IL1RAPL1: variants seen among roughly 807,000 people sequenced by gnomAD.
The protein encoded by IL1RAPL1 is interleukin-1 receptor accessory protein-like 1.
IL1RAPL1 carries 3 observed loss-of-function variants against 48.4 expected under a neutral mutation model. The observed-to-expected ratio is 0.06, with a 90% confidence interval of 0.03 to 0.16. The LOEUF is 0.16. Ranked by LOEUF, IL1RAPL1 falls within the 10% of genes least tolerant of loss-of-function variation. The pLI, the probability that IL1RAPL1 is intolerant of heterozygous loss-of-function variation, is 1.00. For synonymous variants in IL1RAPL1, 185 were observed against 187.7 expected (o/e 0.99, Z 0.12); for missense variants, 349 against 530.6 (o/e 0.66, Z 3.36).
intron 5 of IL1RAPL1, among the ~76,000 whole-genome samples, chrX:29,658,761 C>A (rs960953236): frequency 8.9e-6 from 1 of 111,817 alleles, no homozygotes; most frequent in African/African-American, 3.2e-5. Context: ...GTGTAATGAT[C>A]AAATCAGGGT....
At chrX:28,634,404 C>A (rs759286301) in intron 1 of IL1RAPL1, among the ~76,000 whole-genome samples, 9 of 107,610 alleles carry the variant, frequency 8.4e-5, no homozygotes, top group Admixed American at 3.0e-4. Flanking sequence ...TACGTATACA[C>A]GTATGTATAC....
At chrX:28,913,969 A>G (rs987424857) in intron 2 of IL1RAPL1, among the ~76,000 whole-genome samples, 12 of 111,745 alleles carry the variant, frequency 1.1e-4, no homozygotes, top group Admixed American at 1.1e-3. Flanking sequence ...TTTTCCTAAT[A>G]CCATCATGTG....
chrX:29,662,960 A>G (rs1273837078), intron 5 of IL1RAPL1, among the ~76,000 whole-genome samples: 1 of 112,163 alleles, frequency 8.9e-6, no homozygotes. Context: ...AGTGAAAAAT[A>G]GAGCACCCCT....
At chrX:29,703,224 A>C (rs776579470) in intron 6 of IL1RAPL1, among the ~76,000 whole-genome samples, 36 of 112,317 alleles carry the variant, frequency 3.2e-4, no homozygotes, top group Admixed American at 2.1e-3. Context: ...TTTGAAAGTT[A>C]GATCCAAAAA....
intron 2 of IL1RAPL1, among the ~76,000 whole-genome samples, chrX:29,264,935 C>T (rs889242971): frequency 1.8e-5 from 2 of 110,665 alleles, no homozygotes; most frequent in Admixed American, 9.6e-5. Context: ...TTTTTGAGAC[C>T]GAGTTTTCCT....
intron 6 of IL1RAPL1, among the ~76,000 whole-genome samples, chrX:29,700,741 C>T (rs1927029220): frequency 9.0e-6 from 1 of 111,447 alleles, no homozygotes; most frequent in South Asian, 3.7e-4. Context: ...GGTGACACGT[C>T]AGGAGTTGTG....
chrX:29,370,883 A>G (rs1194199447), intron 3 of IL1RAPL1, among the ~76,000 whole-genome samples: 1 of 109,121 alleles, frequency 9.2e-6, no homozygotes, highest in Non-Finnish European at 1.9e-5. Flanking sequence ...TTTTTATTTG[A>G]CACATATTAA....
intron 2 of IL1RAPL1, among the ~76,000 whole-genome samples, chrX:28,851,341 G>T (rs959813688): frequency 9.0e-6 from 1 of 110,622 alleles, no homozygotes; most frequent in African/African-American, 3.3e-5. Flanking sequence ...TTTGCTTGTG[G>T]ATAGCCTCCC....
At chrX:29,396,804 A>C (rs972227012) in intron 4 of IL1RAPL1, among the ~76,000 whole-genome samples, 4 of 112,053 alleles carry the variant, frequency 3.6e-5, no homozygotes, top group Non-Finnish European at 5.6e-5. Flanking sequence ...CCCAAACAAA[A>C]GGAAAAAGGA....
chrX:29,780,909 G>A (rs1185642846), intron 6 of IL1RAPL1, among the ~76,000 whole-genome samples: 1 of 110,989 alleles, frequency 9.0e-6, no homozygotes, highest in Non-Finnish European at 1.9e-5. Context: ...ATTTCCTTTT[G>A]AGAGTTGACA....
intron 1 of IL1RAPL1, among the ~76,000 whole-genome samples, chrX:28,715,321 A>G (rs1381909913): frequency 8.9e-6 from 1 of 112,290 alleles, no homozygotes; most frequent in African/African-American, 3.2e-5. Context: ...AAATTAAGGC[A>G]GAAATCAAGA....
At chrX:29,808,606 TTTATC>T (rs761369712) in intron 6 of IL1RAPL1, among the ~76,000 whole-genome samples, 1 of 111,905 alleles carries the variant, frequency 8.9e-6, no homozygotes, top group South Asian at 3.7e-4. Context: ...TTTTGCCTGT[TTTATC>T]TATCAGTTTG....
At chrX:29,655,436 G>T (rs1218922397) in intron 5 of IL1RAPL1, among the ~76,000 whole-genome samples, 3 of 111,032 alleles carry the variant, frequency 2.7e-5, no homozygotes, top group Non-Finnish European at 5.7e-5. Context: ...GCCGAGGTGG[G>T]TGGATCACCT....
intron 2 of IL1RAPL1, among the ~76,000 whole-genome samples, chrX:29,039,143 A>G (rs930044119): frequency 7.2e-5 from 8 of 111,416 alleles, no homozygotes; most frequent in African/African-American, 2.6e-4. Flanking sequence ...GTAATTGCAT[A>G]ATTACATTAC....
At chrX:29,253,996 G>A (rs1222736940) in intron 2 of IL1RAPL1, among the ~76,000 whole-genome samples, 2 of 111,223 alleles carry the variant, frequency 1.8e-5, no homozygotes, top group Non-Finnish European at 3.8e-5. Flanking sequence ...TTATTTAGCG[G>A]GACTTAAAAG....
chrX:29,777,936 A>C (rs1181201627), intron 6 of IL1RAPL1, among the ~76,000 whole-genome samples: 1 of 109,140 alleles, frequency 9.2e-6, no homozygotes, highest in Non-Finnish European at 1.9e-5. Context: ...TCTTGTTTTC[A>C]TTTATACTAT....
Position 28,686,330 on chromosome X carries a change from A to C in IL1RAPL1, c.-25+98283A>C, listed in dbSNP as rs761888503. 1.3e-4 allele frequency among the ~76,000 whole-genome samples: 15 copies of C among 112,106 alleles called. 1 individual carries two copies. The South Asian group carries it at 5.5e-3, about 41-fold the overall frequency. On this transcript the variant is annotated intron_variant, in intron 1 of 10. Coordinates refer to ENST00000378993, the MANE Select transcript of IL1RAPL1 (RefSeq NM_014271.4). ...AGGGAACCACTAGAATTTGATTATC[A>C]CCCACTTAATTTTCATAGCTTTCTT...
chrX:28,943,195 TA>T (rs541591430), intron 2 of IL1RAPL1, among the ~76,000 whole-genome samples: 1,201 of 90,511 alleles, frequency 0.013, 7 homozygotes, highest in South Asian at 0.042. Context: ...AGAGCAGCTT[TA>T]AAAAAAAAAA....
chrX:29,805,419 G>GCACACACA (rs1246891430), intron 6 of IL1RAPL1, among the ~76,000 whole-genome samples: 17 of 107,835 alleles, frequency 1.6e-4, no homozygotes, highest in African/African-American at 5.7e-4. Context: ...ACACATGCAC[G>GCACACACA]CACACACACA....
Sources: allele counts gnomAD v4.1 joint callset (sites outside exome capture counted in the v4.1 genomes callset), GRCh38; gene constraint gnomAD v4.1.1; transcripts MANE v1.5; gene names NCBI Gene and HGNC (gene_info 2026-07-23, HGNC 2026-07-21).